The following RNF216 variants were observed in gnomAD, a reference collection of about 807,000 sequenced individuals.
RNF216 encodes ring finger protein 216.
In RNF216, 72 loss-of-function variants were observed where a neutral mutation model predicts 110.8. The observed-to-expected ratio is 0.65, with a 90% CI of 0.54 to 0.79. The LOEUF (loss-of-function observed/expected upper bound fraction) is 0.79. Among genes scored for constraint, RNF216 ranks in the 30% least tolerant of loss-of-function variants. RNF216 has a pLI of 0.00. For missense variants in RNF216, 1,342 were observed against 1,141.2 expected (o/e 1.18, Z -2.54); for synonymous variants, 495 against 407.5 (o/e 1.21, Z -2.59).
chr7:5,651,016 G>A (rs956120081), intron 14 of RNF216, among the ~76,000 whole-genome samples: 3 of 152,130 alleles, frequency 2.0e-5, no homozygotes, highest in African/African-American at 7.2e-5. Flanking sequence ...CCTTGCCCAC[G>A]TGACAATCTA....
At chr7:5,690,925 C>G (rs1422700311) in intron 13 of RNF216, among the ~76,000 whole-genome samples, 1 of 152,166 alleles carries the variant, frequency 6.6e-6, no homozygotes, top group Non-Finnish European at 1.5e-5. Context: ...TGAAGACAAC[C>G]TACAGATGAG....
In RNF216 at chr7:5,725,272, G is replaced by C. The variant is rs898775500; in HGVS notation, c.1504+52C>G. 48 of 1,086,614 alleles carry C rather than the reference G, an allele frequency of 4.4e-5. No homozygotes were observed. The Middle Eastern group carries it at 6.0e-4, about 14-fold the overall frequency. 67.3% of individuals were successfully genotyped at this position (1,086,614 alleles called of 1,614,324 possible). A position where few individuals can be genotyped will look rare whatever the true frequency, so the allele number is the denominator to read the frequency against. On this transcript the variant is annotated intron_variant, in intron 8 of 16. Coordinates refer to ENST00000389902, the MANE Select transcript of RNF216 (RefSeq NM_207111.4). ...GGCTTCCTTCACTGACTGTGAAGAA[G>C]AAAAGGTACAGTGTTGCAGCTACAC...
At chr7:5,638,633 A>ATTTT (rs34089106) in intron 15 of RNF216, among the ~76,000 whole-genome samples, 1 of 139,320 alleles carries the variant, frequency 7.2e-6, no homozygotes, top group Non-Finnish European at 1.5e-5. Flanking sequence ...AAAAGCAAGC[A>ATTTT]TTTTTTTTTT....
chr7:5,743,158 G>A (rs1303550496), intron 3 of RNF216, among the ~76,000 whole-genome samples: 4 of 152,034 alleles, frequency 2.6e-5, no homozygotes, highest in African/African-American at 9.7e-5. Context: ...CTACTCGGGA[G>A]GCTGACGGAG....
intron 3 of RNF216, among the ~76,000 whole-genome samples, chr7:5,748,376 C>A (rs2128660193): frequency 1.3e-5 from 2 of 152,226 alleles, no homozygotes; most frequent in East Asian, 3.9e-4. Flanking sequence ...AAGAAACAAG[C>A]TAAATTCCAA....
At chr7:5,632,013 G>A (rs1222652898) in intron 15 of RNF216, among the ~76,000 whole-genome samples, 1 of 152,244 alleles carries the variant, frequency 6.6e-6, no homozygotes, top group African/African-American at 2.4e-5. Context: ...GGACCACCAA[G>A]GTGGGCAGTG....
chr7:5,771,861 G>A lies in RNF216; in HGVS notation c.-70+9680C>T, dbSNP rs558152050. On this transcript the variant is annotated intron_variant, in intron 1 of 16. Coordinates refer to ENST00000389902, the MANE Select transcript of RNF216 (RefSeq NM_207111.4). ...AACAATTTGAATTAACAACGGCTGA[G>A]TACCCCGAGGAAACGCAAAAGGCCA... Among the ~76,000 whole-genome samples the A allele has an allele frequency of 2.2e-3, 330 of 152,184 alleles. 2 individuals carry two copies. The highest frequency in any genetic ancestry group is 2.7e-3 in the Non-Finnish European group (186 of 67,990).
intron 7 of RNF216, among the ~76,000 whole-genome samples, chr7:5,728,878 T>C (rs575594576): frequency 1.2e-4 from 19 of 152,332 alleles, no homozygotes; most frequent in African/African-American, 2.6e-4. Context: ...AAGCAGGCAC[T>C]GTGTGCTGTC....
intron 2 of RNF216, among the ~76,000 whole-genome samples, chr7:5,756,407 G>A (rs375382980): frequency 2.0e-5 from 3 of 152,204 alleles, no homozygotes; most frequent in African/African-American, 4.8e-5. Context: ...CATATGGCCC[G>A]CGAGGCTAAA....
At chr7:5,735,097 GATC>G (rs1794317741) in intron 5 of RNF216, among the ~76,000 whole-genome samples, 1 of 149,100 alleles carries the variant, frequency 6.7e-6, no homozygotes, top group Non-Finnish European at 1.5e-5. Flanking sequence ...AGTGAGCCAG[GATC>G]ACGCCACTGC....
At chr7:5,631,259 T>A (rs908768010) in intron 15 of RNF216, among the ~76,000 whole-genome samples, 1 of 152,176 alleles carries the variant, frequency 6.6e-6, no homozygotes, top group Non-Finnish European at 1.5e-5. Flanking sequence ...GCATGTGCCA[T>A]CCCCTGAAAC....
rs201380992 is a variant in RNF216 at position 5,741,054 on chromosome 7, T to C, written c.963A>G (p.Gln321=). The change falls in exon 4 of 17, where the codon CAA becomes CAG. Residue 321 remains glutamine (Q), a synonymous_variant. Coordinates refer to ENST00000389902, the MANE Select transcript of RNF216 (RefSeq NM_207111.4). ...PGPAFPMQES[Q]EPNLENIWGQ... ...CCCAAATGTTTTCCAAATTGGGCTC[T>C]TGAGATTCTTGCATTGGAAAGGCTG... 41 of 1,614,184 alleles carry C rather than the reference T, an allele frequency of 2.5e-5. No homozygotes were observed. The East Asian group carries it at 8.2e-4, about 32-fold the overall frequency.
chr7:5,753,118 A>T, intron 2 of RNF216, 139 bp from the exon 3 acceptor site: 3 of 749,720 alleles, frequency 4.0e-6, no homozygotes, highest in African/African-American at 1.8e-5. Context: ...CAGCCCGTGC[A>T]CTTAAGCATT....
intron 14 of RNF216, among the ~76,000 whole-genome samples, chr7:5,644,964 A>G (rs1027018980): frequency 2.0e-5 from 3 of 151,680 alleles, no homozygotes; most frequent in Admixed American, 2.0e-4. Context: ...AGCTGGGACT[A>G]CAGGCACGTG....
intron 8 of RNF216, among the ~76,000 whole-genome samples, chr7:5,724,492 A>G (rs1311054774): frequency 2.6e-5 from 4 of 152,042 alleles, no homozygotes; most frequent in Non-Finnish European, 5.9e-5. Flanking sequence ...TGAATGAAAA[A>G]CCACCTGCAC....
chr7:5,767,272 C>A (rs1050333302), intron 1 of RNF216, among the ~76,000 whole-genome samples: 1 of 152,220 alleles, frequency 6.6e-6, no homozygotes, highest in East Asian at 1.9e-4. Context: ...GGAGATGACA[C>A]ATTCATCCTA....
rs1786604755 is a variant in RNF216, at chr7:5,624,789, G to C, written c.2383-664C>G. On this transcript the variant is annotated intron_variant, in intron 15 of 16. Coordinates refer to ENST00000389902, the MANE Select transcript of RNF216 (RefSeq NM_207111.4). The surrounding 1 kb of genome is among the most constrained non-coding windows in gnomAD (Gnocchi z 4.4). ...CAGACACGAACCGAAGAGGCACTGT[G>C]AGTGCAGGCAGATGTGGGAGCTGTG... 6.6e-6 allele frequency among the ~76,000 whole-genome samples: 1 copy of C among 152,258 alleles called. No homozygotes were observed. Among genetic ancestry groups the C allele is most frequent in the South Asian group, 2.1e-4 (1 of 4,836 alleles).
At chr7:5,651,949 C>T (rs988827655) in intron 14 of RNF216, among the ~76,000 whole-genome samples, 5 of 152,136 alleles carry the variant, frequency 3.3e-5, no homozygotes, top group African/African-American at 1.2e-4. Context: ...GCCTGGCCTG[C>T]ATTTTAATAA....
intron 7 of RNF216, among the ~76,000 whole-genome samples, chr7:5,726,623 C>A (rs184063882): frequency 1.3e-5 from 2 of 152,026 alleles, no homozygotes; most frequent in African/African-American, 4.8e-5. Context: ...TTTGGGAGGC[C>A]GAGGCAGGTG....
Sources: allele counts gnomAD v4.1 joint callset (sites outside exome capture counted in the v4.1 genomes callset), GRCh38; gene constraint gnomAD v4.1.1; non-coding constraint Gnocchi (gnomAD v3.1); transcripts MANE v1.5; gene names NCBI Gene and HGNC (gene_info 2026-07-23, HGNC 2026-07-21).